Variants in PAK1 observed in about 807,000 individuals in gnomAD.
PAK1 encodes p21 (RAC1) activated kinase 1, also known as serine/threonine-protein kinase PAK 1.
Under a neutral mutation model 67.4 loss-of-function variants are expected in PAK1, and 29 were observed. The ratio of observed to expected loss-of-function variants is 0.43; its 90% confidence interval spans 0.32 to 0.59. PAK1 has a LOEUF of 0.59. Among genes scored for constraint, PAK1 ranks in the 20% least tolerant of loss-of-function variants. PAK1 has a pLI of 0.07. For missense variants in PAK1, 337 were observed against 670.7 expected, an observed-to-expected ratio of 0.50 and a Z score of 5.50; for synonymous variants, 223 against 237.4, an observed-to-expected ratio of 0.94 and a Z score of 0.56.
Position 77,358,958 on chromosome 11 carries a change from A to ATCC in PAK1, c.536_537insGGA (p.Asp178_Asp179insGlu). ...GTGGTGGGGTAGCATCATCATCATC[A>ATCC]TCATCCTCATCTTCTGAAACTGGTG... On this transcript the variant is annotated inframe_insertion, in exon 6 of 15. Transcript: ENST00000356341. 6.2e-7 allele frequency: 1 copy of ATCC among 1,613,304 alleles called. No homozygotes were observed. Among genetic ancestry groups the ATCC allele is most frequent in the Non-Finnish European group, 8.5e-7 (1 of 1,179,366 alleles).
intron 13 of PAK1, among the ~76,000 whole-genome samples, chr11:77,335,095 C>G (rs1448504916): frequency 6.6e-6 from 1 of 152,158 alleles, no homozygotes. Flanking sequence ...CTTCTCTGTT[C>G]TCTCACACTA....
intron 1 of PAK1, among the ~76,000 whole-genome samples, chr11:77,431,142 G>A (rs570547574): frequency 1.3e-5 from 2 of 152,138 alleles, no homozygotes; most frequent in South Asian, 4.2e-4. Flanking sequence ...AAATGTTGGG[G>A]ACCACTGATT....
intron 1 of PAK1, among the ~76,000 whole-genome samples, chr11:77,459,688 T>C (rs995777021): frequency 1.7e-4 from 23 of 137,222 alleles, no homozygotes; most frequent in Non-Finnish European, 3.3e-4. Flanking sequence ...GCTCTTCTTC[T>C]TCTTTTTTTT....
chr11:77,489,621 G>A, the PAK1 span, among the ~76,000 whole-genome samples: 4 of 152,046 alleles, frequency 2.6e-5, no homozygotes, highest in Non-Finnish European at 5.9e-5. Flanking sequence ...ACTGGTTTTC[G>A]TATTTTTTTG....
intron 1 of PAK1, among the ~76,000 whole-genome samples, chr11:77,423,955 G>T (rs1297440385): frequency 6.6e-6 from 1 of 152,192 alleles, no homozygotes; most frequent in African/African-American, 2.4e-5. Flanking sequence ...TTTAAAATCT[G>T]AGTCTAGTGA....
chr11:77,354,821 A>ATAAATTAAATTAAATTAAAT (rs1945786707), intron 7 of PAK1, among the ~76,000 whole-genome samples: 1 of 152,228 alleles, frequency 6.6e-6, no homozygotes, highest in Admixed American at 6.5e-5. Flanking sequence ...AAGTAAGTAG[A>ATAAATTAAATTAAATTAAAT]TACAGTGAAT....
chr11:77,322,278 A>T lies in PAK1; in HGVS notation c.*996T>A, dbSNP rs1342107919. 1 of 196,014 alleles carries T rather than the reference A, an allele frequency of 5.1e-6. No homozygotes were observed. The highest frequency in any genetic ancestry group is 1.1e-5 in the Non-Finnish European group (1 of 94,300). 12.1% of individuals were successfully genotyped at this position (196,014 alleles called of 1,614,324 possible). A position where few individuals can be genotyped will look rare whatever the true frequency, so the allele number is the denominator to read the frequency against. On this transcript the variant is annotated 3_prime_UTR_variant, in exon 15 of 15. Transcript: ENST00000356341. ...GGGGTCCCCTCACAGCTGGCAGGGT[A>T]TCATGTCAGGCCACCAAATCCATCC... is the stretch of plus-strand genomic sequence containing the variant.
chr11:77,500,474 GA>G, the PAK1 span, among the ~76,000 whole-genome samples: 3 of 150,994 alleles, frequency 2.0e-5, no homozygotes, highest in Admixed American at 2.0e-4. Context: ...CTCAAAAAAA[GA>G]AAAAAAAGTC....
At chr11:77,344,915 G>C (rs1023552941) in intron 9 of PAK1, among the ~76,000 whole-genome samples, 1 of 152,154 alleles carries the variant, frequency 6.6e-6, no homozygotes, top group African/African-American at 2.4e-5. Flanking sequence ...TCACAGAGGA[G>C]AGTGTTCATG....
At chr11:77,396,093 C>G (rs688212) in intron 1 of PAK1, among the ~76,000 whole-genome samples, 94,588 of 152,060 alleles carry the variant, frequency 0.62, 29,756 homozygotes, top group Non-Finnish European at 0.67. Flanking sequence ...ATTATGCCAA[C>G]AAAGGTTTCA....
intron 2 of PAK1, among the ~76,000 whole-genome samples, chr11:77,386,427 G>A (rs572355477): frequency 6.6e-6 from 1 of 152,304 alleles, no homozygotes; most frequent in Non-Finnish European, 1.5e-5. Flanking sequence ...AATGCTGAAA[G>A]ACTTCTTAGA....
At position 77,394,854 on chromosome 11, in the gene PAK1, C is replaced by A. The variant is rs1286436483; in HGVS notation, c.-21-2313G>T. ...GCAAGACTCTGTCTCAAAAACAAAA[C>A]AAAACAAAACAAAATACCCTTCATT... On this transcript the variant is annotated intron_variant, in intron 1 of 14. Coordinates refer to ENST00000356341, the MANE Select transcript of PAK1 (RefSeq NM_002576.5). Among the ~76,000 whole-genome samples the A allele has an allele frequency of 4.5e-5, 4 of 88,396 alleles. No homozygotes were observed. The East Asian group carries it at 9.0e-4, about 20-fold the overall frequency. 58.0% of individuals were successfully genotyped at this position (88,396 alleles called of 152,430 possible). A position where few individuals can be genotyped will look rare whatever the true frequency, so the allele number is the denominator to read the frequency against.
Position 77,473,970 on chromosome 11 carries a change from C to G in PAK1, c.-440G>C, listed in dbSNP as rs1445056819. 5.3e-5 allele frequency: 7 copies of G among 132,364 alleles called. No individual in the cohort carries two copies. In the Admixed American group the frequency reaches 5.3e-4, roughly 10 times the overall value. 8.2% of individuals were successfully genotyped at this position (132,364 alleles called of 1,614,324 possible). The stretch of plus-strand genomic sequence containing the variant: ...GAGCCTGTGAGGGAAGCGCGATGGG[C>G]GAGCGAGGGGGCGGGAGCGTGTGGG... On this transcript the variant is annotated 5_prime_UTR_variant, in exon 1 of 15. Coordinates refer to ENST00000356341, the MANE Select transcript of PAK1 (RefSeq NM_002576.5).
At chr11:77,355,553 C>T (rs1945906872) in intron 7 of PAK1, 115 bp downstream of exon 7, 1 of 792,598 alleles carries the variant, frequency 1.3e-6, no homozygotes. Flanking sequence ...GCAGTCTGTG[C>T]CTAAGGTACC....
intron 1 of PAK1, among the ~76,000 whole-genome samples, chr11:77,402,360 C>T (rs1217771053): frequency 3.9e-5 from 6 of 152,118 alleles, no homozygotes; most frequent in Non-Finnish European, 8.8e-5. Context: ...TCCGCACCTA[C>T]GCAACTTCCT....
intron 9 of PAK1, among the ~76,000 whole-genome samples, chr11:77,344,151 G>A (rs1338967179): frequency 6.6e-6 from 1 of 152,132 alleles, no homozygotes; most frequent in Non-Finnish European, 1.5e-5. Context: ...TAAAAACCTC[G>A]GGTCCCACCC....
At chr11:77,326,787 G>C (rs1235579768) in intron 14 of PAK1, among the ~76,000 whole-genome samples, 1 of 152,186 alleles carries the variant, frequency 6.6e-6, no homozygotes, top group Non-Finnish European at 1.5e-5. Context: ...GCTGGATGGA[G>C]AATGACTCTG....
upstream of PAK1, chr11:77,474,101 C>CCT (rs1958009044): frequency 6.6e-6 from 1 of 152,396 alleles, no homozygotes. Flanking sequence ...GTACGCCGCC[C>CCT]GGCAGGCCTG....
At chr11:77,368,140 G>A (rs968488585) in intron 5 of PAK1, among the ~76,000 whole-genome samples, 1 of 152,188 alleles carries the variant, frequency 6.6e-6, no homozygotes. Flanking sequence ...AAAGCTCCCT[G>A]CAGTATAAAT....
Sources: allele counts gnomAD v4.1 joint callset (sites outside exome capture counted in the v4.1 genomes callset), GRCh38; gene constraint gnomAD v4.1.1; transcripts MANE v1.5; gene names NCBI Gene and HGNC (gene_info 2026-07-23, HGNC 2026-07-21).